Variants in UNC5D observed in about 807,000 individuals in gnomAD.
The protein encoded by UNC5D is netrin receptor UNC5D.
A neutral mutation model predicts 105.4 loss-of-function variants in UNC5D; 39 were observed. That is an observed-to-expected ratio of 0.37 (90% CI 0.29 to 0.48). The LOEUF is 0.48. UNC5D is among the 20% of genes least tolerant of loss of function. UNC5D has a pLI of 0.98. For synonymous variants in UNC5D, 452 were observed against 450.4 expected, an observed-to-expected ratio of 1.00 and a Z score of -0.04; for missense variants, 991 against 1,202.4, an observed-to-expected ratio of 0.82 and a Z score of 2.60.
At chr8:35,497,930 G>A (rs774473385) in intron 1 of UNC5D, among the ~76,000 whole-genome samples, 12 of 151,806 alleles carry the variant, frequency 7.9e-5, no homozygotes, top group Non-Finnish European at 1.8e-4. Context: ...TTAGCCAGAT[G>A]TAGTGGCACA....
intron 4 of UNC5D, among the ~76,000 whole-genome samples, chr8:35,668,757 A>G (rs1824589173): frequency 6.6e-6 from 1 of 152,168 alleles, no homozygotes; most frequent in Non-Finnish European, 1.5e-5. Flanking sequence ...AAAATAACAA[A>G]GACGAGTGGA....
rs561751747 is a variant in UNC5D at position 35,766,629 on chromosome 8, A to G, written c.2314-273A>G. 7.9e-5 allele frequency among the ~76,000 whole-genome samples: 12 copies of G among 152,342 alleles called. No homozygotes were observed. In the South Asian group the frequency reaches 2.5e-3, roughly 32 times the overall value. ...GTATTCTTTCTAATTGTGTGTCACC[A>G]AGTGAAATCTGAGCTCTTGCAGTGC... On this transcript the variant is annotated intron_variant, in intron 14 of 16. Transcript: ENST00000404895.
chr8:35,291,987 G>A (rs1303445400), intron 1 of UNC5D, among the ~76,000 whole-genome samples: 2 of 152,186 alleles, frequency 1.3e-5, no homozygotes, highest in Non-Finnish European at 2.9e-5. Flanking sequence ...TTCACCCGCT[G>A]GTTTTCTTCT....
chr8:35,516,209 A>T (rs1290979812), intron 1 of UNC5D, among the ~76,000 whole-genome samples: 1 of 152,170 alleles, frequency 6.6e-6, no homozygotes, highest in African/African-American at 2.4e-5. Flanking sequence ...CACTTCATAG[A>T]CATTGTTTAT....
chr8:35,310,814 C>T (rs1585555819), intron 1 of UNC5D, among the ~76,000 whole-genome samples: 1 of 152,042 alleles, frequency 6.6e-6, no homozygotes, highest in East Asian at 1.9e-4. Flanking sequence ...CTTTAAATAC[C>T]TCCTTAGAGG....
Position 35,791,407 on chromosome 8 carries a change from G to A in UNC5D, c.*844G>A, listed in dbSNP as rs1315783953. 6.6e-6 allele frequency: 1 copy of A among 152,112 alleles called. No homozygotes were observed. The highest frequency in any genetic ancestry group is 1.5e-5 in the Non-Finnish European group (1 of 68,028). 9.4% of individuals were successfully genotyped at this position (152,112 alleles called of 1,614,324 possible). A position where few individuals can be genotyped will look rare whatever the true frequency, so the allele number is the denominator to read the frequency against. ...GCTATTAGAACACAGCTTATTACAT[G>A]GATATGGGGACAGGAGAGATTAAAG... On this transcript the variant is annotated 3_prime_UTR_variant, in exon 17 of 17. Coordinates refer to ENST00000404895, the MANE Select transcript of UNC5D (RefSeq NM_080872.4).
chr8:35,397,093 G>C (rs1328509017), intron 1 of UNC5D, among the ~76,000 whole-genome samples: 4 of 149,220 alleles, frequency 2.7e-5, no homozygotes, highest in African/African-American at 9.9e-5. Context: ...TTTTAGTAAA[G>C]ACAGGTTTCA....
chr8:35,636,378 A>C (rs55987331), intron 4 of UNC5D, among the ~76,000 whole-genome samples: 29,096 of 151,996 alleles, frequency 0.19, 6,436 homozygotes, highest in African/African-American at 0.54. Context: ...CCTGGTAATT[A>C]TTTGTCCCGG....
chr8:35,396,611 C>T (rs1371997530), intron 1 of UNC5D, among the ~76,000 whole-genome samples: 2 of 151,980 alleles, frequency 1.3e-5, no homozygotes. Context: ...GATTCTTGTG[C>T]CTCAGCCTCT....
intron 1 of UNC5D, among the ~76,000 whole-genome samples, chr8:35,363,067 T>C (rs1283802539): frequency 1.3e-5 from 2 of 152,172 alleles, no homozygotes; most frequent in Non-Finnish European, 2.9e-5. Context: ...AGTTTCTTCA[T>C]CTGTTTTTAT....
At chr8:35,572,580 T>C (rs1237095907) in intron 3 of UNC5D, among the ~76,000 whole-genome samples, 1 of 152,172 alleles carries the variant, frequency 6.6e-6, no homozygotes, top group Non-Finnish European at 1.5e-5. Context: ...GTCCTAGCTT[T>C]CACCCCAGGC....
intron 3 of UNC5D, among the ~76,000 whole-genome samples, chr8:35,578,080 C>T (rs1302543647): frequency 1.3e-5 from 2 of 151,680 alleles, no homozygotes; most frequent in Non-Finnish European, 2.9e-5. Context: ...TAAAAATTAG[C>T]TAGGTGTGGT....
At chr8:35,596,782 C>T (rs1819515649) in intron 4 of UNC5D, among the ~76,000 whole-genome samples, 1 of 152,166 alleles carries the variant, frequency 6.6e-6, no homozygotes, top group Non-Finnish European at 1.5e-5. Flanking sequence ...TGATTAGCCT[C>T]TCCAAAGGAT....
chr8:35,449,850 T>C (rs1286445296), intron 1 of UNC5D, among the ~76,000 whole-genome samples: 1 of 152,186 alleles, frequency 6.6e-6, no homozygotes, highest in Non-Finnish European at 1.5e-5. Context: ...TTGATTACTA[T>C]GTGCCGCCTT....
chr8:35,527,691 T>C (rs1387380771), intron 1 of UNC5D, among the ~76,000 whole-genome samples: 1 of 152,092 alleles, frequency 6.6e-6, no homozygotes, highest in Non-Finnish European at 1.5e-5. Flanking sequence ...TACAGGCATA[T>C]ACTACCACAA....
At chr8:35,376,872 G>C (rs532147695) in intron 1 of UNC5D, among the ~76,000 whole-genome samples, 10 of 152,070 alleles carry the variant, frequency 6.6e-5, no homozygotes, top group African/African-American at 2.4e-4. Context: ...ATCAGTCCAC[G>C]ACTTACCATC....
intron 1 of UNC5D, among the ~76,000 whole-genome samples, chr8:35,392,224 G>A (rs974131744): frequency 7.2e-5 from 11 of 151,938 alleles, no homozygotes; most frequent in South Asian, 2.1e-4. Flanking sequence ...TCCACTTTTC[G>A]TTTGAGTCAG....
chr8:35,724,946 A>ATAAT (rs1391444393), intron 9 of UNC5D, among the ~76,000 whole-genome samples: 1 of 151,634 alleles, frequency 6.6e-6, no homozygotes, highest in Admixed American at 6.6e-5. Context: ...TGGAAAAAAA[A>ATAAT]TAATAATAAT....
intron 1 of UNC5D, among the ~76,000 whole-genome samples, chr8:35,388,759 T>C (rs879925027): frequency 4.6e-5 from 7 of 152,232 alleles, no homozygotes; most frequent in Non-Finnish European, 8.8e-5. Flanking sequence ...GATTCTTACA[T>C]GTCATTTTCC....
Sources: allele counts gnomAD v4.1 joint callset (sites outside exome capture counted in the v4.1 genomes callset), GRCh38; gene constraint gnomAD v4.1.1; transcripts MANE v1.5; gene names NCBI Gene and HGNC (gene_info 2026-07-23, HGNC 2026-07-21).